The following RFX3 variants were observed in gnomAD, a reference collection of about 807,000 sequenced individuals.
RFX3 encodes transcription factor RFX3.
A neutral mutation model predicts 98.6 loss-of-function variants in RFX3; 14 were observed. The ratio of observed to expected loss-of-function variants is 0.14; its 90% CI spans 0.09 to 0.22. The LOEUF (loss-of-function observed/expected upper bound fraction) is 0.22. Among genes scored for constraint, RFX3 ranks in the 10% least tolerant of loss-of-function variants. RFX3 has a pLI of 1.00. For synonymous variants in RFX3, 383 were observed against 328.4 expected (o/e 1.17, Z -1.80); for missense variants, 639 against 926.9 (o/e 0.69, Z 4.03).
chr9:3,402,460 G>C (rs1271907431), intron 1 of RFX3, among the ~76,000 whole-genome samples: 1 of 151,664 alleles, frequency 6.6e-6, no homozygotes, highest in African/African-American at 2.4e-5. Context: ...TTACTTAATG[G>C]GTATAGTAAA....
chr9:3,392,312 T>C lies in RFX3; in HGVS notation c.117+3160A>G, dbSNP rs1052932942. Among the ~76,000 whole-genome samples, 6 of 150,360 alleles carry C rather than the reference T, an allele frequency of 4.0e-5. No individual in the cohort carries two copies. In the East Asian group the frequency reaches 7.8e-4, roughly 20 times the overall value. On this transcript the variant is annotated intron_variant, in intron 2 of 16. Coordinates refer to ENST00000617270, the MANE Select transcript of RFX3 (RefSeq NM_001282116.2). ...AGAGTACCTTAAAAGAAACAGACTATGTAAAGAGAAAAAAAATTTCAACAA... is the reference window on the plus strand; with the variant it reads ...AGAGTACCTTAAAAGAAACAGACTACGTAAAGAGAAAAAAAATTTCAACAA...
At chr9:3,489,147 T>C (rs1278972925) in intron 1 of RFX3, among the ~76,000 whole-genome samples, 3 of 152,212 alleles carry the variant, frequency 2.0e-5, no homozygotes, top group African/African-American at 7.2e-5. Context: ...AATATAAGCT[T>C]CATTTATTAA....
intron 1 of RFX3, among the ~76,000 whole-genome samples, chr9:3,492,076 C>G (rs1265771047): frequency 6.6e-6 from 1 of 152,128 alleles, no homozygotes; most frequent in African/African-American, 2.4e-5. Flanking sequence ...CTCTGCCCTT[C>G]AAAATTTATT....
At chr9:3,489,084 T>C (rs1198027201) in intron 1 of RFX3, among the ~76,000 whole-genome samples, 2 of 152,108 alleles carry the variant, frequency 1.3e-5, no homozygotes, top group Non-Finnish European at 2.9e-5. Context: ...AGATTATACA[T>C]GCTTAAAAAA....
At chr9:3,407,344 G>A (rs998683001) in intron 1 of RFX3, among the ~76,000 whole-genome samples, 1 of 152,064 alleles carries the variant, frequency 6.6e-6, no homozygotes, top group African/African-American at 2.4e-5. Context: ...CATCTGTACA[G>A]AAATCCTGAT....
chr9:3,426,634 C>T (rs1844062303), intron 1 of RFX3, among the ~76,000 whole-genome samples: 1 of 152,264 alleles, frequency 6.6e-6, no homozygotes, highest in African/African-American at 2.4e-5. Flanking sequence ...GCAGCGGCAG[C>T]ATTCGATTCT....
Position 3,457,060 on chromosome 9 carries a change from G to T in RFX3, c.-8-61464C>A, listed in dbSNP as rs1360725239. Among the ~76,000 whole-genome samples the T allele has an allele frequency of 2.2e-5, 3 of 138,388 alleles. No homozygotes were observed. In the East Asian group the frequency reaches 6.8e-4, roughly 31 times the overall value. 90.8% of individuals were successfully genotyped at this position (138,388 alleles called of 152,430 possible). A position where few individuals can be genotyped will look rare whatever the true frequency, so the allele number is the denominator to read the frequency against. On this transcript the variant is annotated intron_variant, in intron 1 of 16. Transcript: ENST00000617270. ...GGAGGCTAAGGCAGGAGAATAGCTT[G>T]AACCCGGGAGGCAGCAGTTGCTGTG...
intron 1 of RFX3, among the ~76,000 whole-genome samples, chr9:3,495,981 A>C (rs1316898088): frequency 3.3e-5 from 5 of 152,138 alleles, no homozygotes; most frequent in Admixed American, 3.3e-4. Context: ...AATAGCTTTA[A>C]GGGGTGGGCC....
chr9:3,381,600 T>C (rs1839201360), intron 2 of RFX3, among the ~76,000 whole-genome samples: 1 of 152,250 alleles, frequency 6.6e-6, no homozygotes, highest in South Asian at 2.1e-4. Context: ...CCTAATTATA[T>C]TCATAAGCAT....
chr9:3,395,449 T>C (rs375307921), intron 2 of RFX3, 23 bp downstream of exon 2: 9 of 1,608,362 alleles, frequency 5.6e-6, no homozygotes, highest in Non-Finnish European at 6.8e-6. Flanking sequence ...ACAGCATCTT[T>C]TCTAAGAGCA....
At chr9:3,356,196 GGAAA>G (rs1214654660) in intron 2 of RFX3, among the ~76,000 whole-genome samples, 1 of 134,144 alleles carries the variant, frequency 7.5e-6, no homozygotes. Flanking sequence ...AAGGAAGGAA[GGAAA>G]GAAGGAAAGA....
intron 15 of RFX3, among the ~76,000 whole-genome samples, chr9:3,237,652 C>T (rs1819342653): frequency 1.3e-5 from 2 of 152,140 alleles, no homozygotes; most frequent in Admixed American, 1.3e-4. Flanking sequence ...ACTCTACTTA[C>T]CTACCTAAAT....
intron 4 of RFX3, among the ~76,000 whole-genome samples, chr9:3,319,853 GA>G (rs199976614): frequency 0.29 from 35,189 of 121,358 alleles, 6,802 homozygotes; most frequent in African/African-American, 0.59. Context: ...GTCAGTGACC[GA>G]AAAAAAAAAA....
At chr9:3,237,588 G>C (rs76840199) in intron 15 of RFX3, among the ~76,000 whole-genome samples, 3,159 of 152,218 alleles carry the variant, frequency 0.021, 107 homozygotes, top group African/African-American at 0.072. Flanking sequence ...AGGGGAAGGA[G>C]ATGGAACTAA....
intron 15 of RFX3, among the ~76,000 whole-genome samples, chr9:3,235,458 A>G (rs1163580799): frequency 6.6e-6 from 1 of 152,162 alleles, no homozygotes; most frequent in African/African-American, 2.4e-5. Flanking sequence ...TAACATACCT[A>G]TTGCTGCTGC....
intron 2 of RFX3, among the ~76,000 whole-genome samples, chr9:3,384,332 G>A (rs952869862): frequency 3.9e-5 from 6 of 152,144 alleles, no homozygotes; most frequent in African/African-American, 1.4e-4. Flanking sequence ...CAGATAATAT[G>A]TGCCCCACTC....
intron 12 of RFX3, 30 bp downstream of exon 12, chr9:3,266,178 C>G (rs757964115): frequency 2.9e-6 from 4 of 1,360,600 alleles, no homozygotes; most frequent in Non-Finnish European, 4.2e-6. Flanking sequence ...TTCCTCAACA[C>G]AAAAGAAAAA....
rs138793195 is a variant in RFX3 at position 3,282,595 on chromosome 9, A to G, written c.852-5134T>C. ...CCCAGGTGCTGAGGATGCAGTGCTG[A>G]AAGAGGCAGACATGATTCTCTGATC... On this transcript the variant is annotated intron_variant, in intron 7 of 16. Coordinates refer to ENST00000617270, the MANE Select transcript of RFX3 (RefSeq NM_001282116.2). 1.3e-3 allele frequency among the ~76,000 whole-genome samples: 192 copies of G among 151,894 alleles called. 1 individual carries two copies. The highest frequency in any genetic ancestry group is 4.4e-3 in the African/African-American group (183 of 41,520).
At chr9:3,287,351 C>G (rs1373571849) in intron 7 of RFX3, among the ~76,000 whole-genome samples, 1 of 151,812 alleles carries the variant, frequency 6.6e-6, no homozygotes, top group Non-Finnish European at 1.5e-5. Flanking sequence ...TAACTTCTGT[C>G]TTGGTTGAGC....
Sources: allele counts gnomAD v4.1 joint callset (sites outside exome capture counted in the v4.1 genomes callset), GRCh38; gene constraint gnomAD v4.1.1; transcripts MANE v1.5; gene names NCBI Gene and HGNC (gene_info 2026-07-23, HGNC 2026-07-21).